Variants in CEP152 observed in about 807,000 individuals in gnomAD.
CEP152 encodes the protein centrosomal protein of 152 kDa.
Under a neutral mutation model 188.9 loss-of-function variants are expected in CEP152, and 132 were observed. That is an observed-to-expected ratio of 0.70 (90% CI 0.61 to 0.81). CEP152 has a LOEUF of 0.81. Ranked by LOEUF, CEP152 falls within the 30% of genes least tolerant of loss-of-function variation. CEP152 has a pLI of 0.00. For synonymous variants in CEP152, 649 were observed against 666.6 expected, an observed-to-expected ratio of 0.97 and a Z score of 0.41; for missense variants, 1,914 against 1,969.8, an observed-to-expected ratio of 0.97 and a Z score of 0.54.
rs556339660 is a variant in CEP152 at position 48,779,976 on chromosome 15, C to A, written c.1577+1220G>T. Among the ~76,000 whole-genome samples, 7 of 152,154 alleles carry A rather than the reference C, an allele frequency of 4.6e-5. No homozygotes were observed. The South Asian group carries it at 1.5e-3, about 32-fold the overall frequency. ...TAGAGCTATTTGCTGTGATACTCAG[C>A]AACTCTAGCCTGTTGGGTTTCCATA... On this transcript the variant is annotated intron_variant, in intron 12 of 26. Coordinates refer to ENST00000380950, the MANE Select transcript of CEP152 (RefSeq NM_001194998.2).
intron 20 of CEP152, among the ~76,000 whole-genome samples, chr15:48,755,288 T>G (rs1894175165): frequency 6.6e-6 from 1 of 152,216 alleles, no homozygotes; most frequent in African/African-American, 2.4e-5. Flanking sequence ...TTTATTTGCT[T>G]GTTTCTATAT....
At chr15:48,747,921 C>T (rs1028574818) in intron 22 of CEP152, among the ~76,000 whole-genome samples, 11 of 152,126 alleles carry the variant, frequency 7.2e-5, no homozygotes, top group African/African-American at 2.4e-4. Flanking sequence ...TGCCTTTTCC[C>T]TCTATCTCAA....
chr15:48,730,796 T>C (rs1892395589), intron 2 of CEP152, among the ~76,000 whole-genome samples: 1 of 152,072 alleles, frequency 6.6e-6, no homozygotes, highest in Admixed American at 6.6e-5. Context: ...GCACACACCA[T>C]AGAGGATTTT....
At position 48,731,008 on chromosome 15, in the gene CEP152, T is replaced by C. The variant is rs140420766; in HGVS notation, c.142+10623A>G. On this transcript the variant is annotated intron_variant and NMD_transcript_variant, in intron 2 of 3. Coordinates refer to the CEP152 transcript ENST00000561245. Reference sequence around the variant, plus strand: ...AGAAAAAAGCTGTCAAGAAAAACTATGCATGTGCTTGGATGTTGAATAAAG... The same window carrying C: ...AGAAAAAAGCTGTCAAGAAAAACTACGCATGTGCTTGGATGTTGAATAAAG... Among the ~76,000 whole-genome samples, 904 of 152,308 alleles carry C rather than the reference T, an allele frequency of 5.9e-3. 4 individuals carry two copies. Among genetic ancestry groups the C allele is most frequent in the African/African-American group, 0.021 (859 of 41,558 alleles).
rs1286565627 is a variant in CEP152 at position 48,791,338 on chromosome 15, G to T, written c.871C>A (p.Gln291Lys). The T allele has an allele frequency of 6.2e-7, 1 of 1,612,576 alleles. No individual in the cohort carries two copies. Among genetic ancestry groups the T allele is most frequent in the Non-Finnish European group, 8.5e-7 (1 of 1,179,598 alleles). ...TCTTTTCCATTCTGAAAGAGTTTCT[G>T]TGATTCTCGAAGGCTGAGAGTCAAA... ...DGLTLSLRES[Q>K]KLFQNGKERE... The change falls in exon 8 of 27, where the codon CAG (glutamine) becomes AAG (lysine). Residue 291 changes from glutamine (Q) to lysine (K), a missense_variant. Physicochemically the swap from Gln to Lys is moderately conservative, Grantham distance 53 (BLOSUM62 1). Coordinates refer to ENST00000380950, the MANE Select transcript of CEP152 (RefSeq NM_001194998.2).
At chr15:48,798,353 G>A (rs1310564437) in intron 2 of CEP152, among the ~76,000 whole-genome samples, 1 of 151,878 alleles carries the variant, frequency 6.6e-6, no homozygotes, top group Non-Finnish European at 1.5e-5. Context: ...TCACAATAAT[G>A]GTACAATCAA....
intron 5 of CEP152, 129 bp from the exon 6 acceptor site, chr15:48,796,289 TACACACACACAC>T (rs3074978): frequency 4.7e-5 from 26 of 549,022 alleles, no homozygotes; most frequent in African/African-American, 3.9e-4. Flanking sequence ...TTTATATATA[TACACACACACAC>T]ACACACACAC....
At chr15:48,748,388 T>G in intron 22 of CEP152, 55 bp downstream of exon 22, 1 of 1,470,650 alleles carries the variant, frequency 6.8e-7, no homozygotes, top group African/African-American at 1.4e-5. Flanking sequence ...ATTTGAACAT[T>G]TCAACAAGGA....
At chr15:48,765,591 T>G in intron 17 of CEP152, 1 of 424,680 alleles carries the variant, frequency 2.4e-6, no homozygotes, top group Admixed American at 2.9e-5. Flanking sequence ...CAGAAAATAT[T>G]CCTGGAATGA....
At chr15:48,770,525 A>G (rs1439387475) in intron 13 of CEP152, among the ~76,000 whole-genome samples, 1 of 152,268 alleles carries the variant, frequency 6.6e-6, no homozygotes, top group East Asian at 1.9e-4. Context: ...GAACAAAGAA[A>G]GCACCAAGAT....
intron 7 of CEP152, among the ~76,000 whole-genome samples, chr15:48,791,889 A>G (rs2140887324): frequency 6.6e-6 from 1 of 152,088 alleles, no homozygotes; most frequent in Non-Finnish European, 1.5e-5. Flanking sequence ...ATTTTTTTAG[A>G]GAAGCAGAAC....
intron 17 of CEP152, among the ~76,000 whole-genome samples, chr15:48,762,924 T>C (rs1469616392): frequency 6.6e-6 from 1 of 152,146 alleles, no homozygotes; most frequent in Non-Finnish European, 1.5e-5. Context: ...AAAGTCAGGA[T>C]ATCTTGCTCT....
intron 26 of CEP152, among the ~76,000 whole-genome samples, chr15:48,739,804 A>T (rs1892827659): frequency 6.6e-6 from 1 of 152,242 alleles, no homozygotes; most frequent in Admixed American, 6.5e-5. Context: ...GAGGCATTGT[A>T]TCTCAGAGTA....
chr15:48,792,859 C>T (rs986262133), intron 7 of CEP152, among the ~76,000 whole-genome samples: 1 of 151,724 alleles, frequency 6.6e-6, no homozygotes, highest in Non-Finnish European at 1.5e-5. Flanking sequence ...CTCTGTCACC[C>T]AGCCTGAAGT....
intron 20 of CEP152, among the ~76,000 whole-genome samples, chr15:48,753,423 T>C (rs1894022468): frequency 6.6e-6 from 1 of 152,216 alleles, no homozygotes; most frequent in Non-Finnish European, 1.5e-5. Context: ...GTCTTACTGA[T>C]TATTTAAAAC....
intron 1 of CEP152, among the ~76,000 whole-genome samples, chr15:48,808,455 TC>T (rs1329872421): frequency 6.6e-6 from 1 of 151,806 alleles, no homozygotes; most frequent in East Asian, 1.9e-4. Context: ...CCTGACAAAG[TC>T]CCAATATAAA....
intron 20 of CEP152, among the ~76,000 whole-genome samples, chr15:48,754,910 A>G (rs1427802154): frequency 6.6e-6 from 1 of 152,172 alleles, no homozygotes; most frequent in East Asian, 1.9e-4. Context: ...CCAAGTAGGT[A>G]TTAATACCAA....
At chr15:48,737,453 G>A (rs191763856), downstream of CEP152, among the ~76,000 whole-genome samples, 69 of 152,184 alleles carry the variant, frequency 4.5e-4, no homozygotes, top group African/African-American at 1.6e-3. Context: ...CTTTAACCTA[G>A]AGCATTAATT....
At chr15:48,729,990 C>T (rs750934179) in intron 2 of CEP152, 1 of 151,780 alleles carries the variant, frequency 6.6e-6, no homozygotes, top group Non-Finnish European at 1.5e-5. Flanking sequence ...AGAAGCTCCC[C>T]ACCGGCCCCC....
Sources: gnomAD v4.1 joint callset for allele counts (sites outside exome capture counted in the v4.1 genomes callset) on GRCh38, gnomAD v4.1.1 for gene constraint, MANE v1.5 for transcripts, NCBI Gene and HGNC (gene_info 2026-07-23, HGNC 2026-07-21) for gene names.